Variants in PRR23E observed in about 807,000 individuals in gnomAD.
The protein encoded by PRR23E is PRR23 family member E, also known as proline-rich protein 23E.
At chr3:127,197,140 A>T in the PRR23E span, 1 of 1,595,882 alleles carries the variant, frequency 6.3e-7, no homozygotes, top group East Asian at 2.2e-5. Context: ...ACCTCCAGCC[A>T]CTGTCCCCAG....
chr3:127,196,843 C>A, the PRR23E span: 1 of 1,598,370 alleles, frequency 6.3e-7, no homozygotes, highest in South Asian at 1.1e-5. Context: ...CAGCCTGTAA[C>A]TGACCTGGCC....
chr3:127,197,185 G>A, the PRR23E span: 3 of 1,592,842 alleles, frequency 1.9e-6, no homozygotes, highest in African/African-American at 4.0e-5. Context: ...TCAGCCCCCA[G>A]GGCTGCCGTA....
the PRR23E span, among the ~76,000 whole-genome samples, chr3:127,195,384 G>T: frequency 3.2e-3 from 481 of 152,236 alleles, 4 homozygotes; most frequent in African/African-American, 0.01. Context: ...AAGGCTCCCT[G>T]CCATGCTCGC....
At chr3:127,194,405 G>A in the PRR23E span, among the ~76,000 whole-genome samples, 5 of 152,162 alleles carry the variant, frequency 3.3e-5, no homozygotes, top group African/African-American at 7.2e-5. Flanking sequence ...ATTCAAAGCC[G>A]TCCTGTGCCA....
chr3:127,194,016 C>T, the PRR23E span, among the ~76,000 whole-genome samples: 1 of 152,232 alleles, frequency 6.6e-6, no homozygotes, highest in Admixed American at 6.5e-5. Context: ...TAGCTCTGGT[C>T]TGCCACATGT....
the PRR23E span, chr3:127,193,140 C>T: frequency 6.6e-6 from 1 of 152,302 alleles, no homozygotes; most frequent in East Asian, 1.9e-4. Context: ...CAGTGGTCTC[C>T]TGCCGCCACC....
chr3:127,195,079 G>C, the PRR23E span, among the ~76,000 whole-genome samples: 1 of 152,174 alleles, frequency 6.6e-6, no homozygotes, highest in Non-Finnish European at 1.5e-5. Flanking sequence ...TGGCAGAGAG[G>C]AGGGGGAGCA....
At chr3:127,196,494 C>T in the PRR23E span, 1 of 885,016 alleles carries the variant, frequency 1.1e-6, no homozygotes, top group Non-Finnish European at 1.7e-6. Context: ...GATCTTGGCT[C>T]TTCTGTCACC....
the PRR23E span, chr3:127,196,788 G>T: frequency 6.3e-7 from 1 of 1,597,780 alleles, no homozygotes; most frequent in Non-Finnish European, 8.5e-7. Context: ...AACCCCCTGG[G>T]TGGCCATGGG....
the PRR23E span, chr3:127,197,622 C>G: frequency 4.6e-6 from 2 of 435,978 alleles, no homozygotes; most frequent in East Asian, 7.1e-5. Flanking sequence ...AACCCTGATA[C>G]TGGCACCTTT....
the PRR23E span, among the ~76,000 whole-genome samples, chr3:127,195,418 C>T: frequency 1.9e-3 from 292 of 152,222 alleles, 1 homozygote; most frequent in Admixed American, 4.7e-3. Flanking sequence ...GCAGGCACTC[C>T]GGGGCACCTT....
the PRR23E span, chr3:127,197,173 G>A: frequency 3.1e-6 from 5 of 1,591,280 alleles, no homozygotes; most frequent in African/African-American, 2.7e-5. Flanking sequence ...ACTCCAGCCA[G>A]CTCAGCCCCC....
the PRR23E span, chr3:127,197,691 C>G: frequency 3.1e-5 from 10 of 325,658 alleles, no homozygotes; most frequent in Non-Finnish European, 5.5e-5. Flanking sequence ...AGTCCTCAAA[C>G]ATGCATGCAT....
the PRR23E span, chr3:127,197,003 G>C: frequency 6.3e-7 from 1 of 1,598,134 alleles, no homozygotes; most frequent in Non-Finnish European, 8.5e-7. Context: ...TGTATTGGAG[G>C]GGCGCCTCCA....
At chr3:127,197,164 C>A in the PRR23E span, 1 of 1,590,910 alleles carries the variant, frequency 6.3e-7, no homozygotes. Context: ...GGATGCTGGA[C>A]TCCAGCCAGC....
At chr3:127,197,062 A>C in the PRR23E span, 1 of 1,596,246 alleles carries the variant, frequency 6.3e-7, no homozygotes, top group East Asian at 2.2e-5. Context: ...TTGGCCCCCA[A>C]CCTATTTCCT....
the PRR23E span, among the ~76,000 whole-genome samples, chr3:127,193,461 T>A: frequency 6.6e-6 from 1 of 152,046 alleles, no homozygotes; most frequent in South Asian, 2.1e-4. Flanking sequence ...AGTGTCCGCG[T>A]CGCACCCCAC....
At chr3:127,197,191 C>T in the PRR23E span, 1 of 1,593,690 alleles carries the variant, frequency 6.3e-7, no homozygotes, top group South Asian at 1.1e-5. Context: ...CCCAGGGCTG[C>T]CGTAGAGGGG....
the PRR23E span, among the ~76,000 whole-genome samples, chr3:127,195,864 CA>C: frequency 6.6e-6 from 1 of 152,288 alleles, no homozygotes; most frequent in East Asian, 1.9e-4. Context: ...GAAACAGCTC[CA>C]AATTTCAAGG....
Sources: allele counts gnomAD v4.1 joint callset (sites outside exome capture counted in the v4.1 genomes callset), GRCh38; gene constraint gnomAD v4.1.1; transcripts MANE v1.5; gene names NCBI Gene and HGNC (gene_info 2026-07-23, HGNC 2026-07-21).